The following RBBP7 variants were observed in gnomAD, a reference collection of about 807,000 sequenced individuals.
RBBP7 encodes the protein histone-binding protein RBBP7.
In RBBP7, 5 loss-of-function variants were observed where a neutral mutation model predicts 35.2. The ratio of observed to expected loss-of-function variants is 0.14; its 90% CI spans 0.07 to 0.30. RBBP7 has a LOEUF of 0.30. RBBP7 is among the 10% of genes least tolerant of loss of function. The pLI, the probability that RBBP7 is intolerant of heterozygous loss-of-function variation, is 1.00. For synonymous variants in RBBP7, 140 were observed against 118.7 expected (o/e 1.18, Z -1.17); for missense variants, 155 against 327.5 (o/e 0.47, Z 4.07).
At chrX:16,851,955 T>C in intron 9 of RBBP7, 91 bp downstream of exon 9, 1 of 731,673 alleles carries the variant, frequency 1.4e-6, no homozygotes. Context: ...GAAGGGGGGA[T>C]TACCAAATTG....
intron 9 of RBBP7, 85 bp downstream of exon 9, chrX:16,851,961 A>C: frequency 1.2e-6 from 1 of 800,037 alleles, no homozygotes; most frequent in Non-Finnish European, 1.8e-6. Flanking sequence ...GGGATTACCA[A>C]ATTGCTTTTC....
At chrX:16,862,581 CTG>C (rs1219028638) in intron 3 of RBBP7, among the ~76,000 whole-genome samples, 2 of 110,005 alleles carry the variant, frequency 1.8e-5, no homozygotes, top group African/African-American at 6.6e-5. Flanking sequence ...GAAATGAGGT[CTG>C]TGTTTTTCAG....
intron 10 of RBBP7, 32 bp downstream of exon 10, chrX:16,849,212 T>A: frequency 1.7e-6 from 2 of 1,179,829 alleles, no homozygotes; most frequent in Non-Finnish European, 2.3e-6. Flanking sequence ...AATCTGCATA[T>A]GACATTTCAT....
intron 4 of RBBP7, among the ~76,000 whole-genome samples, chrX:16,858,301 T>A (rs1014004833): frequency 1.9e-4 from 21 of 111,858 alleles, no homozygotes; most frequent in African/African-American, 6.8e-4. Flanking sequence ...ATTCTGAAAC[T>A]CAAATGGGCT....
intron 5 of RBBP7, among the ~76,000 whole-genome samples, chrX:16,856,506 G>C (rs914271403): frequency 9.1e-6 from 1 of 109,837 alleles, no homozygotes; most frequent in African/African-American, 3.3e-5. Flanking sequence ...CTCCAGCCTG[G>C]GTGACAGAGA....
chrX:16,868,090 T>A (rs931153871), intron 2 of RBBP7, among the ~76,000 whole-genome samples: 7 of 111,976 alleles, frequency 6.3e-5, no homozygotes, highest in Non-Finnish European at 1.1e-4. Context: ...AAATTTAAGA[T>A]GCTTGTTTTT....
chrX:16,855,814 C>A (rs1035745961), intron 5 of RBBP7, among the ~76,000 whole-genome samples: 2 of 107,513 alleles, frequency 1.9e-5, no homozygotes, highest in Non-Finnish European at 3.8e-5. Flanking sequence ...TTGGGCAATA[C>A]GGCAAAACTC....
In RBBP7 at chrX:16,865,693, C is replaced by T. The variant is rs180762253; in HGVS notation, c.162-2593G>A. On this transcript the variant is annotated intron_variant, in intron 2 of 11. Coordinates refer to ENST00000380087, the MANE Select transcript of RBBP7 (RefSeq NM_002893.4). Reference sequence around the variant, plus strand: ...GCCTATTCATTTTCAGTGCAGAATCCTTTGACCCCAGTAACTACCACTAGG... The same window carrying T: ...GCCTATTCATTTTCAGTGCAGAATCTTTTGACCCCAGTAACTACCACTAGG... 1.4e-3 allele frequency among the ~76,000 whole-genome samples: 154 copies of T among 112,321 alleles called. 1 individual carries two copies. The highest frequency in any genetic ancestry group is 2.6e-3 in the Non-Finnish European group (137 of 53,301).
chrX:16,854,152 G>A (rs1293003566), intron 5 of RBBP7, among the ~76,000 whole-genome samples: 1 of 112,000 alleles, frequency 8.9e-6, no homozygotes, highest in Non-Finnish European at 1.9e-5. Context: ...CCAAAGTGCT[G>A]GGACTACAGG....
chrX:16,862,990 T>A lies in RBBP7; in HGVS notation c.272A>T (p.Gln91Leu). ...ACTGTCACAATGGGAAGCATCAAAC[T>A]GTGCATCATCATTGGGAATATGTAC... The part of the protein sequence containing the change: ...ARVHIPNDDA[Q>L]FDASHCDSDK... The change falls in exon 3 of 12, where the codon CAG (glutamine) becomes CTG (leucine). Residue 91 changes from glutamine (Q) to leucine (L), a missense_variant. Physicochemically the swap from Gln to Leu is moderately radical, Grantham distance 113. Transcript: ENST00000380087. 8.3e-7 allele frequency: 1 copy of A among 1,211,566 alleles called. No homozygotes were observed. The highest frequency in any genetic ancestry group is 1.1e-6 in the Non-Finnish European group (1 of 895,207).
At chrX:16,850,015 C>A (rs905748480) in intron 9 of RBBP7, among the ~76,000 whole-genome samples, 2 of 111,751 alleles carry the variant, frequency 1.8e-5, no homozygotes, top group Non-Finnish European at 3.8e-5. Context: ...GTCCTTATAC[C>A]TAGCCCAAAG....
chrX:16,862,419 T>G (rs970955248), intron 3 of RBBP7, among the ~76,000 whole-genome samples: 3 of 111,648 alleles, frequency 2.7e-5, no homozygotes, highest in Non-Finnish European at 5.6e-5. Context: ...AAATACCCAT[T>G]GCACACACCA....
At chrX:16,864,619 AAATT>A (rs1181128053) in intron 2 of RBBP7, among the ~76,000 whole-genome samples, 2 of 110,277 alleles carry the variant, frequency 1.8e-5, no homozygotes, top group African/African-American at 6.6e-5. Context: ...GGCTATCAAA[AAATT>A]AATTAATTCC....
intron 10 of RBBP7, 168 bp downstream of exon 10, chrX:16,849,076 A>G (rs1234294645): frequency 2.6e-6 from 1 of 380,920 alleles, no homozygotes; most frequent in Non-Finnish European, 4.5e-6. Context: ...GGCTCCATTT[A>G]CTATTTTTGA....
chrX:16,846,932 C>T (rs1435367864), intron 10 of RBBP7: 1 of 110,223 alleles, frequency 9.1e-6, no homozygotes, highest in African/African-American at 3.3e-5. Context: ...AGTTCAAGAC[C>T]AGCCTGGGCA....
intron 3 of RBBP7, among the ~76,000 whole-genome samples, chrX:16,861,484 C>T (rs1395618012): frequency 9.0e-6 from 1 of 111,193 alleles, no homozygotes; most frequent in Non-Finnish European, 1.9e-5. Context: ...GCTAGGACTA[C>T]AGGCATGCGC....
intron 3 of RBBP7, among the ~76,000 whole-genome samples, chrX:16,862,361 C>A (rs1414714324): frequency 9.0e-6 from 1 of 111,045 alleles, no homozygotes; most frequent in Non-Finnish European, 1.9e-5. Context: ...AAGCAGCCAA[C>A]AGATTCCTGA....
intron 2 of RBBP7, among the ~76,000 whole-genome samples, chrX:16,864,153 GACAC>G (rs751321152): frequency 9.2e-6 from 1 of 108,907 alleles, no homozygotes; most frequent in African/African-American, 3.3e-5. Flanking sequence ...ATGGAGAAGA[GACAC>G]ACACACACAC....
intron 2 of RBBP7, among the ~76,000 whole-genome samples, chrX:16,865,446 C>A (rs982636038): frequency 9.0e-6 from 1 of 111,517 alleles, no homozygotes; most frequent in African/African-American, 3.3e-5. Flanking sequence ...GGAACACTGT[C>A]CCAAGACGGA....
Sources: allele counts gnomAD v4.1 joint callset (sites outside exome capture counted in the v4.1 genomes callset), GRCh38; gene constraint gnomAD v4.1.1; transcripts MANE v1.5; gene names NCBI Gene and HGNC (gene_info 2026-07-23, HGNC 2026-07-21).